The following GNB5 variants were observed in gnomAD, a reference collection of about 807,000 sequenced individuals.
The protein encoded by GNB5 is guanine nucleotide-binding protein subunit beta-5.
GNB5 carries 37 observed loss-of-function variants against 55.3 expected under a neutral mutation model. That is an observed-to-expected ratio of 0.67 (90% CI 0.51 to 0.88). The LOEUF (loss-of-function observed/expected upper bound fraction) is 0.88, where lower values mean the gene tolerates loss of function less well. Ranked by LOEUF, GNB5 falls within the 40% of genes least tolerant of loss-of-function variation. GNB5 has a pLI of 0.00. For synonymous variants in GNB5, 219 were observed against 198.5 expected (o/e 1.10, Z -0.87); for missense variants, 476 against 515.3 (o/e 0.92, Z 0.74).
At chr15:52,135,783 G>A (rs2033688557) in intron 7 of GNB5, 27 bp from the exon 8 acceptor site, 13 of 1,608,546 alleles carry the variant, frequency 8.1e-6, no homozygotes, top group Non-Finnish European at 1.0e-5. Context: ...ACAGGAAGTG[G>A]GTGGTTGTGG....
rs2033374128 is a variant in GNB5, at chr15:52,124,647, C to A, written c.1010-8G>T. The A allele has an allele frequency of 6.2e-7, 1 of 1,612,276 alleles. No individual in the cohort carries two copies. Among genetic ancestry groups the A allele is most frequent in the Non-Finnish European group, 8.5e-7 (1 of 1,178,832 alleles). On this transcript the variant is annotated splice_polypyrimidine_tract_variant and splice_region_variant and intron_variant, in intron 11 of 12. Coordinates refer to ENST00000261837, the MANE Select transcript of GNB5 (RefSeq NM_016194.4). ...CAGCAAACAGCAGGCGACCTTGAAGCAGGGTGAGATGATAGCTGTTAAGCC... is the reference window on the plus strand; with the variant it reads ...CAGCAAACAGCAGGCGACCTTGAAGAAGGGTGAGATGATAGCTGTTAAGCC...
chr15:52,155,705 C>T (rs901373017), intron 3 of GNB5, among the ~76,000 whole-genome samples: 8 of 152,156 alleles, frequency 5.3e-5, no homozygotes, highest in Non-Finnish European at 1.2e-4. Context: ...TTTAATGCTT[C>T]CTTGAGATTA....
intron 6 of GNB5, among the ~76,000 whole-genome samples, chr15:52,142,611 T>C (rs551510742): frequency 9.2e-5 from 14 of 152,270 alleles, no homozygotes; most frequent in African/African-American, 3.4e-4. Context: ...GAACGTTCCT[T>C]TACTTTCTAG....
chr15:52,124,740 G>T, intron 11 of GNB5, 101 bp from the exon 12 acceptor site: 3 of 991,118 alleles, frequency 3.0e-6, no homozygotes, highest in Non-Finnish European at 1.6e-6. Flanking sequence ...TGATTCAGGC[G>T]CACTGAGTCC....
At chr15:52,178,608 C>T (rs897271945) in intron 3 of GNB5, among the ~76,000 whole-genome samples, 2 of 137,588 alleles carry the variant, frequency 1.5e-5, no homozygotes, top group Non-Finnish European at 3.2e-5. Flanking sequence ...AGAAAAGTAA[C>T]TCTCAATTTG....
intron 3 of GNB5, among the ~76,000 whole-genome samples, chr15:52,161,309 T>C (rs899045695): frequency 2.0e-5 from 3 of 152,184 alleles, no homozygotes; most frequent in Admixed American, 1.3e-4. Flanking sequence ...TGCCTCTTTC[T>C]TTTTTTGAGA....
chr15:52,149,362 C>G (rs2034043396), intron 5 of GNB5: 1 of 183,434 alleles, frequency 5.5e-6, no homozygotes, highest in Admixed American at 5.9e-5. Context: ...GTCTTATTTT[C>G]ATTAAGAGCT....
At chr15:52,138,173 A>C (rs1301070870) in intron 7 of GNB5, among the ~76,000 whole-genome samples, 3 of 151,992 alleles carry the variant, frequency 2.0e-5, no homozygotes, top group Non-Finnish European at 4.4e-5. Context: ...ACCCAAGGTC[A>C]GGAGTTCAAG....
Position 52,174,158 on chromosome 15 carries a change from A to G in GNB5, c.238+5610T>C, listed in dbSNP as rs1476699569. 2.0e-5 allele frequency among the ~76,000 whole-genome samples: 3 copies of G among 152,236 alleles called. No homozygotes were observed. In the East Asian group the frequency reaches 5.8e-4, roughly 29 times the overall value. On this transcript the variant is annotated intron_variant, in intron 3 of 12. Transcript: ENST00000261837. ...TGAGCCTTGGGCCAAGAACATGGGC[A>G]GCCCCAAGAAGCTGGAAAAAGCAAG...
At position 52,184,552 on chromosome 15, in the gene GNB5, A is replaced by G; in HGVS notation, c.125T>C (p.Ile42Thr). Residue 42 changes from isoleucine to threonine, a missense_variant and splice_region_variant, in exon 2 of 13, where the codon ATT becomes ACT. Transcript: ENST00000261837. Reference sequence around the variant, plus strand: ...GAATTTTTTTTAAGTGGCACTTACAATTTCTGCACATGTTGAACAGTAGCT... The same window carrying G: ...GAATTTTTTTTAAGTGGCACTTACAGTTTCTGCACATGTTGAACAGTAGCT... Reference protein sequence around the residue: ...QLSYCSTCAEIMATEGLHENE... With the variant: ...QLSYCSTCAETMATEGLHENE... The G allele has an allele frequency of 6.2e-7, 1 of 1,613,276 alleles. No individual in the cohort carries two copies. Among genetic ancestry groups the G allele is most frequent in the South Asian group, 1.1e-5 (1 of 90,912 alleles).
chr15:52,176,669 T>A (rs181908165), intron 3 of GNB5, among the ~76,000 whole-genome samples: 21 of 152,292 alleles, frequency 1.4e-4, no homozygotes, highest in Non-Finnish European at 8.8e-5. Context: ...GTAGGCTCTC[T>A]GATAAGAGGG....
chr15:52,190,503 G>A (rs993950391), intron 1 of GNB5, among the ~76,000 whole-genome samples: 10 of 152,058 alleles, frequency 6.6e-5, no homozygotes, highest in Admixed American at 3.9e-4. Flanking sequence ...ATATAAAAAG[G>A]TGCTCATTAT....
intron 6 of GNB5, 181 bp downstream of exon 6, chr15:52,147,278 C>A: frequency 2.2e-6 from 1 of 463,354 alleles, no homozygotes; most frequent in Non-Finnish European, 4.0e-6. Context: ...GCTGGGATTA[C>A]AAGCAGGCAC....
At position 52,119,895 on chromosome 15, in the gene GNB5, G is replaced by A. The variant is rs376182418; in HGVS notation, c.*2862C>T. ...CCCTTACAACCCTGTGCTGTTTTAA[G>A]CCACTTATAACCTAGAGAAGGGTGC... On this transcript the variant is annotated 3_prime_UTR_variant, in exon 13 of 13. Transcript: ENST00000261837. The A allele has an allele frequency of 1.3e-5, 2 of 152,142 alleles. No homozygotes were observed. The highest frequency in any genetic ancestry group is 2.4e-5 in the African/African-American group (1 of 41,394). The allele number at this position is 152,142 out of a possible 1,614,324, so 9.4% of individuals were successfully genotyped here.
At chr15:52,169,153 G>A (rs541659551) in intron 3 of GNB5, among the ~76,000 whole-genome samples, 1 of 152,146 alleles carries the variant, frequency 6.6e-6, no homozygotes, top group African/African-American at 2.4e-5. Flanking sequence ...GTGAAACCCC[G>A]TCTCTACTAA....
chr15:52,126,638 T>A (rs902121722), intron 10 of GNB5, among the ~76,000 whole-genome samples: 1 of 152,162 alleles, frequency 6.6e-6, no homozygotes, highest in Non-Finnish European at 1.5e-5. Context: ...TTAATTTTTC[T>A]TTTTTATAAA....
At chr15:52,163,223 G>T (rs2034373546) in intron 3 of GNB5, among the ~76,000 whole-genome samples, 1 of 152,200 alleles carries the variant, frequency 6.6e-6, no homozygotes, top group Non-Finnish European at 1.5e-5. Context: ...AGGGCCTTGG[G>T]TCTAAAGCAC....
intron 1 of GNB5, among the ~76,000 whole-genome samples, chr15:52,185,718 G>A (rs2034834324): frequency 2.0e-5 from 3 of 150,742 alleles, no homozygotes; most frequent in South Asian, 4.2e-4. Flanking sequence ...CAGCAATAAC[G>A]TTCTAGTCCC....
At position 52,117,717 on chromosome 15, in the gene GNB5, T is replaced by A. The variant is rs887367717; in HGVS notation, c.*5040A>T. 3 of 152,176 alleles carry A rather than the reference T, an allele frequency of 2.0e-5. No homozygotes were observed. The highest frequency in any genetic ancestry group is 7.2e-5 in the African/African-American group (3 of 41,424). The allele number at this position is 152,176 out of a possible 1,614,324, so 9.4% of individuals were successfully genotyped here. On this transcript the variant is annotated 3_prime_UTR_variant, in exon 13 of 13. Coordinates refer to ENST00000261837, the MANE Select transcript of GNB5 (RefSeq NM_016194.4). The stretch of plus-strand genomic sequence containing the variant: ...CTCCGGTCACGGATGAGAGGGCAAG[T>A]GGTTTAGCATGGCAATCCTTACAAA...
Sources: allele counts gnomAD v4.1 joint callset (sites outside exome capture counted in the v4.1 genomes callset), GRCh38; gene constraint gnomAD v4.1.1; transcripts MANE v1.5; gene names NCBI Gene and HGNC (gene_info 2026-07-23, HGNC 2026-07-21).